Variants in FSHR observed in about 807,000 individuals in gnomAD.
FSHR encodes follicle stimulating hormone receptor.
In FSHR, 46 loss-of-function variants were observed where a neutral mutation model predicts 52.1. The ratio of observed to expected loss-of-function variants is 0.88; its 90% CI spans 0.70 to 1.13. FSHR has a LOEUF of 1.13. Among genes scored for constraint, FSHR ranks in the 50% most tolerant of loss-of-function variants. FSHR has a pLI of 0.00. For synonymous variants in FSHR, 399 were observed against 309.6 expected (o/e 1.29, Z -3.03); for missense variants, 964 against 834.6 (o/e 1.16, Z -1.91).
chr2:48,973,751 G>A (rs966484450), intron 8 of FSHR, among the ~76,000 whole-genome samples: 2 of 152,194 alleles, frequency 1.3e-5, no homozygotes, highest in Non-Finnish European at 2.9e-5. Context: ...AAGATATACT[G>A]GGGAGTGACA....
At chr2:48,998,502 A>G (rs1253887566) in intron 4 of FSHR, among the ~76,000 whole-genome samples, 1 of 152,082 alleles carries the variant, frequency 6.6e-6, no homozygotes, top group Non-Finnish European at 1.5e-5. Flanking sequence ...TATTCCAGGT[A>G]GTTTCCAGGT....
intron 9 of FSHR, among the ~76,000 whole-genome samples, chr2:48,965,051 G>A (rs947621876): frequency 6.6e-6 from 1 of 152,020 alleles, no homozygotes; most frequent in Non-Finnish European, 1.5e-5. Flanking sequence ...TCCCCAAGGG[G>A]CAAGTTCACA....
At chr2:49,036,792 T>G (rs948004050) in intron 2 of FSHR, among the ~76,000 whole-genome samples, 4 of 152,144 alleles carry the variant, frequency 2.6e-5, no homozygotes, top group Non-Finnish European at 4.4e-5. Context: ...ACTAAAACAG[T>G]GATGTTGCGA....
At chr2:49,077,312 C>T (rs1558427559) in intron 1 of FSHR, among the ~76,000 whole-genome samples, 3 of 152,332 alleles carry the variant, frequency 2.0e-5, no homozygotes, top group East Asian at 1.9e-4. Context: ...GGGGCTTGCA[C>T]CCTCTGAAGC....
At chr2:49,089,168 A>G (rs1432591164) in intron 1 of FSHR, among the ~76,000 whole-genome samples, 1 of 151,152 alleles carries the variant, frequency 6.6e-6, no homozygotes, top group East Asian at 1.9e-4. Flanking sequence ...CTTCGTGGTG[A>G]TAACCGGATT....
chr2:48,985,423 T>C (rs1362844352), intron 6 of FSHR, among the ~76,000 whole-genome samples: 1 of 24,142 alleles, frequency 4.1e-5, no homozygotes, highest in Non-Finnish European at 7.3e-5. Context: ...GTAACGCATA[T>C]CACTCATTTT....
At chr2:49,033,769 A>AGTCTGTTTG (rs1668185739) in intron 2 of FSHR, among the ~76,000 whole-genome samples, 1 of 152,016 alleles carries the variant, frequency 6.6e-6, no homozygotes, top group African/African-American at 2.4e-5. Flanking sequence ...TGAGGACTAA[A>AGTCTGTTTG]GTCTGTTTGG....
At chr2:49,069,753 T>C (rs1194355962) in intron 1 of FSHR, among the ~76,000 whole-genome samples, 1 of 152,164 alleles carries the variant, frequency 6.6e-6, no homozygotes, top group East Asian at 1.9e-4. Context: ...ATATTATTCT[T>C]TCCCCAGCCT....
At chr2:49,034,479 C>T (rs1668213705) in intron 2 of FSHR, among the ~76,000 whole-genome samples, 3 of 152,114 alleles carry the variant, frequency 2.0e-5, no homozygotes, top group South Asian at 4.2e-4. Flanking sequence ...TTTTAGTTTT[C>T]CACTTGCTTA....
chr2:49,006,736 C>T (rs1573082081), intron 4 of FSHR, among the ~76,000 whole-genome samples: 1 of 152,062 alleles, frequency 6.6e-6, no homozygotes, highest in Non-Finnish European at 1.5e-5. Flanking sequence ...CAGGGGTTAA[C>T]GTTTGATAGA....
intron 1 of FSHR, among the ~76,000 whole-genome samples, chr2:49,098,918 T>C (rs1006965241): frequency 3.0e-4 from 43 of 144,384 alleles, no homozygotes; most frequent in African/African-American, 1.1e-3. Flanking sequence ...TATGTATACA[T>C]ATATATCTGC....
chr2:49,003,566 C>A (rs1050712239), intron 4 of FSHR, among the ~76,000 whole-genome samples: 3 of 152,064 alleles, frequency 2.0e-5, no homozygotes, highest in African/African-American at 7.2e-5. Context: ...AGGATCTTAT[C>A]GCCTAAGAAT....
Position 48,964,355 on chromosome 2 carries a change from C to T in FSHR, c.855-389G>A, listed in dbSNP as rs141174728. On this transcript the variant is annotated intron_variant, in intron 9 of 9. Coordinates refer to ENST00000406846, the MANE Select transcript of FSHR (RefSeq NM_000145.4). ...CACCTGAGTAGGACATATTCCTATT[C>T]GTCTACACTCAAATCACTGGAAGAT... Among the ~76,000 whole-genome samples the T allele has an allele frequency of 6.8e-4, 103 of 152,238 alleles. 1 individual carries two copies. The highest frequency in any genetic ancestry group is 3.4e-3 in the Middle Eastern group (1 of 292).
chr2:48,979,365 C>T (rs548481534), intron 8 of FSHR, among the ~76,000 whole-genome samples: 5 of 152,132 alleles, frequency 3.3e-5, no homozygotes, highest in Admixed American at 1.3e-4. Context: ...CACTAGAGCT[C>T]GGGAGTTTAA....
intron 4 of FSHR, among the ~76,000 whole-genome samples, chr2:48,998,299 A>G (rs1353526035): frequency 6.6e-6 from 1 of 152,140 alleles, no homozygotes; most frequent in African/African-American, 2.4e-5. Flanking sequence ...ATTTGAAAAA[A>G]AAATCTGTGC....
chr2:49,023,576 C>T (rs980517475), intron 2 of FSHR, among the ~76,000 whole-genome samples: 10 of 152,204 alleles, frequency 6.6e-5, no homozygotes, highest in Admixed American at 3.9e-4. Context: ...AAGTGACACA[C>T]AAAAATATTT....
intron 1 of FSHR, among the ~76,000 whole-genome samples, chr2:49,068,507 G>A (rs1212657889): frequency 6.6e-6 from 1 of 151,872 alleles, no homozygotes; most frequent in East Asian, 1.9e-4. Context: ...AGAGTTTAGG[G>A]AGAACAAAAA....
At chr2:49,024,087 C>T (rs575419911) in intron 2 of FSHR, among the ~76,000 whole-genome samples, 6 of 151,972 alleles carry the variant, frequency 3.9e-5, no homozygotes, top group African/African-American at 1.2e-4. Context: ...TGACAAGTGC[C>T]GAACTGTTTT....
intron 1 of FSHR, among the ~76,000 whole-genome samples, chr2:49,104,646 T>G (rs1671159679): frequency 6.6e-6 from 1 of 152,010 alleles, no homozygotes; most frequent in Admixed American, 6.6e-5. Flanking sequence ...TAGAGTGGCA[T>G]GAGAAAGAGA....
Sources: allele counts gnomAD v4.1 joint callset (sites outside exome capture counted in the v4.1 genomes callset), GRCh38; gene constraint gnomAD v4.1.1; transcripts MANE v1.5; gene names NCBI Gene and HGNC (gene_info 2026-07-23, HGNC 2026-07-21).